UGT2A1: variants seen among roughly 807,000 people sequenced by gnomAD.
UGT2A1 encodes the protein UDP-glucuronosyltransferase 2A1.
A neutral mutation model predicts 45.4 loss-of-function variants in UGT2A1; 61 were observed. That is an observed-to-expected ratio of 1.34 (90% CI 1.09 to 1.66). The LOEUF (loss-of-function observed/expected upper bound fraction) is 1.66. Among genes scored for constraint, UGT2A1 ranks in the 40% most tolerant of loss-of-function variants. The pLI is 0.00. For missense variants in UGT2A1, 649 were observed against 574.3 expected (o/e 1.13, Z -1.33); for synonymous variants, 229 against 196.2 (o/e 1.17, Z -1.40).
At chr4:69,600,924 T>C (rs6846030) in intron 3 of UGT2A1, among the ~76,000 whole-genome samples, 38,694 of 151,862 alleles carry the variant, frequency 0.25, 5,430 homozygotes, top group African/African-American at 0.37. Context: ...TCCTCTCCAA[T>C]CAGGCCCCAC....
chr4:69,606,273 G>A (rs898720968), intron 3 of UGT2A1, among the ~76,000 whole-genome samples: 1 of 136,162 alleles, frequency 7.3e-6, no homozygotes, highest in Non-Finnish European at 1.6e-5. Flanking sequence ...GTCAACATAC[G>A]CAAATCAACA....
intron 3 of UGT2A1, among the ~76,000 whole-genome samples, chr4:69,611,616 C>T (rs922626027): frequency 1.3e-5 from 2 of 152,018 alleles, no homozygotes; most frequent in Admixed American, 6.6e-5. Flanking sequence ...AAACGAAGGT[C>T]TAACAGGGAT....
Position 69,647,675 on chromosome 4 carries a change from A to T in UGT2A1, c.-31T>A. ...GGCTTGATGCAGAAGATTTGATGAG[A>T]TGTGAAGCAAATGTTTTTCTCTGCT... On this transcript the variant is annotated 5_prime_UTR_variant, in exon 2 of 7. Transcript: ENST00000286604. The T allele has an allele frequency of 1.4e-6, 2 of 1,395,160 alleles. No individual in the cohort carries two copies. The highest frequency in any genetic ancestry group is 1.9e-6 in the Non-Finnish European group (2 of 1,037,740). The allele number at this position is 1,395,160 out of a possible 1,614,324, so 86.4% of individuals were successfully genotyped here. A position where few individuals can be genotyped will look rare whatever the true frequency, so the allele number is the denominator to read the frequency against.
intron 3 of UGT2A1, among the ~76,000 whole-genome samples, chr4:69,613,953 C>T (rs1389567279): frequency 1.3e-5 from 2 of 151,992 alleles, no homozygotes; most frequent in South Asian, 2.1e-4. Flanking sequence ...TTTTACTTAA[C>T]ATCATAGTAG....
chr4:69,624,784 T>C (rs1304894840), intron 3 of UGT2A1, among the ~76,000 whole-genome samples: 1 of 151,384 alleles, frequency 6.6e-6, no homozygotes, highest in Non-Finnish European at 1.5e-5. Context: ...ATACAATAAA[T>C]ATCTGTAGTT....
At chr4:69,593,981 GT>G (rs758027786) in intron 6 of UGT2A1, among the ~76,000 whole-genome samples, 10 of 134,742 alleles carry the variant, frequency 7.4e-5, no homozygotes, top group African/African-American at 8.3e-5. Flanking sequence ...TTTTTTGTTT[GT>G]TTTTTTTTTT....
chr4:69,600,087 G>A (rs141950837), intron 3 of UGT2A1, among the ~76,000 whole-genome samples: 209 of 152,264 alleles, frequency 1.4e-3, no homozygotes, highest in African/African-American at 4.9e-3. Context: ...GAAAAAAGTG[G>A]TGGGCAGCAG....
rs2109897726 is a variant in UGT2A1 at position 69,602,790 on chromosome 4, A to C, written c.848-3396T>G. Among the ~76,000 whole-genome samples the C allele has an allele frequency of 1.5e-5, 2 of 137,620 alleles. 1 individual carries two copies. The highest frequency in any genetic ancestry group is 4.1e-4 in the East Asian group (2 of 4,894). 90.3% of individuals were successfully genotyped at this position (137,620 alleles called of 152,430 possible). A position where few individuals can be genotyped will look rare whatever the true frequency, so the allele number is the denominator to read the frequency against. ...AACTTGTTCACAGATAAGAAGATCAAAATTCATAAAGATGTCCATTCTCTA... is the reference window on the plus strand; with the variant it reads ...AACTTGTTCACAGATAAGAAGATCACAATTCATAAAGATGTCCATTCTCTA... On this transcript the variant is annotated intron_variant, in intron 3 of 6. Coordinates refer to ENST00000286604, the MANE Select transcript of UGT2A1 (RefSeq NM_001252275.3).
chr4:69,611,113 TA>T (rs5859193), intron 3 of UGT2A1, among the ~76,000 whole-genome samples: 1 of 151,040 alleles, frequency 6.6e-6, no homozygotes, highest in African/African-American at 2.4e-5. Context: ...ATCAGTGAAG[TA>T]AAAAAAGAAA....
intron 2 of UGT2A1, among the ~76,000 whole-genome samples, chr4:69,639,891 G>A (rs1245756860): frequency 1.3e-5 from 2 of 151,860 alleles, no homozygotes; most frequent in East Asian, 3.9e-4. Flanking sequence ...CATATTCTGT[G>A]ATAATAACTA....
Position 69,606,232 on chromosome 4 carries a change from A to C in UGT2A1, c.848-6838T>G, listed in dbSNP as rs1719604155. Among the ~76,000 whole-genome samples, 2 of 136,440 alleles carry C rather than the reference A, an allele frequency of 1.5e-5. 1 individual carries two copies. 89.5% of individuals were successfully genotyped at this position (136,440 alleles called of 152,430 possible). On this transcript the variant is annotated intron_variant, in intron 3 of 6. Coordinates refer to ENST00000286604, the MANE Select transcript of UGT2A1 (RefSeq NM_001252275.3). Reference sequence around the variant, plus strand: ...TCAAAAAGCTTACCCACCATGATCAAGTGGGCTTCATCCCTGGGACGCAAG... The same window carrying C: ...TCAAAAAGCTTACCCACCATGATCACGTGGGCTTCATCCCTGGGACGCAAG...
At chr4:69,625,050 A>C (rs1191534772) in intron 3 of UGT2A1, among the ~76,000 whole-genome samples, 1 of 151,176 alleles carries the variant, frequency 6.6e-6, no homozygotes, top group African/African-American at 2.4e-5. Context: ...CTGGGTATTA[A>C]ATTTGCTGGG....
At chr4:69,630,045 C>T (rs1721298685) in intron 3 of UGT2A1, among the ~76,000 whole-genome samples, 1 of 151,968 alleles carries the variant, frequency 6.6e-6, no homozygotes, top group African/African-American at 2.4e-5. Flanking sequence ...ATTTATTTCT[C>T]ATATTTAAAC....
At chr4:69,599,838 A>T (rs1719164176) in intron 3 of UGT2A1, 1 of 154,364 alleles carries the variant, frequency 6.5e-6, no homozygotes, top group African/African-American at 2.4e-5. Flanking sequence ...TAATTTCACA[A>T]TAATAAATCA....
At chr4:69,605,236 G>A (rs1181522663) in intron 3 of UGT2A1, among the ~76,000 whole-genome samples, 2 of 136,832 alleles carry the variant, frequency 1.5e-5, no homozygotes, top group Non-Finnish European at 3.1e-5. Context: ...AGACCACAGA[G>A]CAATCAAATT....
At chr4:69,598,914 T>C (rs925408893) in intron 4 of UGT2A1, among the ~76,000 whole-genome samples, 15 of 152,306 alleles carry the variant, frequency 9.8e-5, no homozygotes, top group African/African-American at 3.6e-4. Context: ...TTACTGTTCA[T>C]AATGCTATGT....
At chr4:69,598,609 C>T (rs891061703) in intron 4 of UGT2A1, among the ~76,000 whole-genome samples, 3 of 152,116 alleles carry the variant, frequency 2.0e-5, no homozygotes, top group Non-Finnish European at 4.4e-5. Context: ...TGAATTTACA[C>T]TTTGTACTAC....
intron 3 of UGT2A1, among the ~76,000 whole-genome samples, chr4:69,609,694 C>G (rs1051471177): frequency 5.9e-5 from 9 of 152,172 alleles, no homozygotes; most frequent in African/African-American, 2.2e-4. Flanking sequence ...ACACCTATAC[C>G]TATACCTATA....
chr4:69,616,669 G>C (rs570618410), intron 3 of UGT2A1, among the ~76,000 whole-genome samples: 1 of 151,780 alleles, frequency 6.6e-6, no homozygotes, highest in Non-Finnish European at 1.5e-5. Flanking sequence ...AGAAAAAATT[G>C]ATAATTTTAT....
Sources: allele counts gnomAD v4.1 joint callset (sites outside exome capture counted in the v4.1 genomes callset), GRCh38; gene constraint gnomAD v4.1.1; transcripts MANE v1.5; gene names NCBI Gene and HGNC (gene_info 2026-07-23, HGNC 2026-07-21).